The following ZNF469 variants were observed in gnomAD, a reference collection of about 807,000 sequenced individuals.
ZNF469 encodes the protein zinc finger protein 469.
In ZNF469, 1 loss-of-function variant was observed where a neutral mutation model predicts 1.0. The observed-to-expected ratio is 1.00, with a 90% CI of 0.35 to 4.73. ZNF469 has a LOEUF of 4.73. Ranked by LOEUF, ZNF469 falls within the 30% of genes most tolerant of loss-of-function variation. ZNF469 has a pLI of 0.16. For missense variants in ZNF469, 6,100 were observed against 5,356.3 expected (o/e 1.14, Z -4.33); for synonymous variants, 2,703 against 2,363.4 (o/e 1.14, Z -4.17).
the ZNF469 span, among the ~76,000 whole-genome samples, chr16:88,222,765 A>G: frequency 6.6e-6 from 1 of 151,690 alleles, no homozygotes; most frequent in South Asian, 2.1e-4. Context: ...CCCGAAAAAA[A>G]AAAACAAAAA....
chr16:88,246,910 A>T, the ZNF469 span, among the ~76,000 whole-genome samples: 5 of 152,044 alleles, frequency 3.3e-5, no homozygotes, highest in Non-Finnish European at 7.4e-5. Context: ...TGAATGAGTC[A>T]ATCAGTGAAG....
At chr16:88,116,732 GTACATGCCATGACGCTGTTTA>G in the ZNF469 span, among the ~76,000 whole-genome samples, 1 of 152,144 alleles carries the variant, frequency 6.6e-6, no homozygotes, top group African/African-American at 2.4e-5. Context: ...CAAAAAGCCT[GTACATGCCATGACGCTGTTTA>G]TGGAACTGGC....
At chr16:88,165,922 C>G in the ZNF469 span, among the ~76,000 whole-genome samples, 1 of 152,240 alleles carries the variant, frequency 6.6e-6, no homozygotes, top group Non-Finnish European at 1.5e-5. Context: ...CCCCGAGACT[C>G]ATCCACATGG....
chr16:88,175,848 C>G, the ZNF469 span, among the ~76,000 whole-genome samples: 1 of 152,214 alleles, frequency 6.6e-6, no homozygotes, highest in Non-Finnish European at 1.5e-5. Flanking sequence ...ATCAGTAAAA[C>G]AGAAACAGAG....
the ZNF469 span, among the ~76,000 whole-genome samples, chr16:88,116,551 T>C: frequency 6.6e-6 from 1 of 152,202 alleles, no homozygotes; most frequent in South Asian, 2.1e-4. Context: ...CCAAAAACCG[T>C]GCAGCTGCAT....
chr16:88,136,855 C>A, the ZNF469 span, among the ~76,000 whole-genome samples: 1 of 152,248 alleles, frequency 6.6e-6, no homozygotes, highest in African/African-American at 2.4e-5. Flanking sequence ...TGAGTGATGA[C>A]TGTGGAGGGC....
chr16:88,132,533 C>T, the ZNF469 span, among the ~76,000 whole-genome samples: 1 of 152,276 alleles, frequency 6.6e-6, no homozygotes, highest in Non-Finnish European at 1.5e-5. Flanking sequence ...CTCATCTGAA[C>T]TCACACAACC....
the ZNF469 span, among the ~76,000 whole-genome samples, chr16:88,199,613 C>T: frequency 6.6e-6 from 1 of 152,212 alleles, no homozygotes; most frequent in African/African-American, 2.4e-5. Context: ...CCAGCCGGCT[C>T]GGACCACCCA....
At chr16:88,167,016 T>C in the ZNF469 span, among the ~76,000 whole-genome samples, 1 of 149,208 alleles carries the variant, frequency 6.7e-6, no homozygotes, top group African/African-American at 2.5e-5. Context: ...GGTCTTCAGG[T>C]GCAATTCCCT....
rs1415972199 is a variant in ZNF469 at position 88,428,485 on chromosome 16, C to G, written c.1015C>G (p.Gln339Glu). 2.3e-5 allele frequency: 36 copies of G among 1,549,396 alleles called. No individual in the cohort carries two copies. The highest frequency in any genetic ancestry group is 3.0e-5 in the Non-Finnish European group (34 of 1,146,810). ...TGCGCCCTCACCCCTGCCCTGCTAC[C>G]AGGGCCAGCCAGGTGGCCTGAACCG... is the stretch of plus-strand genomic sequence containing the variant. Reference protein sequence around the residue: ...QPAPSPLPCYQGQPGGLNRHS... With the variant: ...QPAPSPLPCYEGQPGGLNRHS... Residue 339 changes from glutamine (Q) to glutamate (E), a missense_variant, in exon 3 of 3, where the codon CAG becomes GAG. Physicochemically the swap from Gln to Glu is conservative, Grantham distance 29. Coordinates refer to ENST00000565624, the MANE Select transcript of ZNF469 (RefSeq NM_001367624.2).
At chr16:88,170,008 C>T in the ZNF469 span, among the ~76,000 whole-genome samples, 1 of 152,156 alleles carries the variant, frequency 6.6e-6, no homozygotes, top group African/African-American at 2.4e-5. The surrounding 1 kb of genome is among the most constrained non-coding windows in gnomAD (Gnocchi z 4.2). Context: ...TTATGGGGGG[C>T]ATGGTGCAGA....
At chr16:88,135,266 C>G in the ZNF469 span, among the ~76,000 whole-genome samples, 1 of 152,272 alleles carries the variant, frequency 6.6e-6, no homozygotes, top group African/African-American at 2.4e-5. Flanking sequence ...AGCCCAGTCT[C>G]CCCCGAGGAA....
At chr16:88,331,245 A>G in the ZNF469 span, among the ~76,000 whole-genome samples, 1 of 150,390 alleles carries the variant, frequency 6.6e-6, no homozygotes, top group Non-Finnish European at 1.5e-5. Context: ...CACCATCACC[A>G]TCGTCACCAT....
intron 1 of ZNF469, among the ~76,000 whole-genome samples, chr16:88,401,665 G>A (rs1904869041): frequency 1.4e-5 from 2 of 143,548 alleles, no homozygotes; most frequent in Non-Finnish European, 3.1e-5. Flanking sequence ...ATGGGTAGAT[G>A]GATGGGTGAG....
chr16:88,234,446 G>A, the ZNF469 span, among the ~76,000 whole-genome samples: 1 of 152,256 alleles, frequency 6.6e-6, no homozygotes. Context: ...TAACGCTGAG[G>A]ACGAAGCCAG....
upstream of ZNF469, among the ~76,000 whole-genome samples, chr16:88,380,500 C>T (rs1368860456): frequency 1.9e-4 from 23 of 118,840 alleles, no homozygotes; most frequent in Non-Finnish European, 2.2e-4. Context: ...CACACATGCA[C>T]TCACACAGAC....
upstream of ZNF469, among the ~76,000 whole-genome samples, chr16:88,380,088 C>G (rs371670424): frequency 6.6e-6 from 1 of 151,900 alleles, no homozygotes; most frequent in African/African-American, 2.4e-5. Context: ...CACTCACACA[C>G]ACAAATGCAC....
the ZNF469 span, among the ~76,000 whole-genome samples, chr16:88,317,150 G>T: frequency 6.6e-6 from 1 of 152,230 alleles, no homozygotes; most frequent in Non-Finnish European, 1.5e-5. Flanking sequence ...ACTGATCTCA[G>T]GGCTGAAGCC....
chr16:88,384,457 C>G (rs1437123624), intron 1 of ZNF469, among the ~76,000 whole-genome samples: 4 of 152,172 alleles, frequency 2.6e-5, no homozygotes, highest in Admixed American at 1.3e-4. Context: ...GCAGGGAGCT[C>G]GGAAGCTGGG....
Sources: gnomAD v4.1 joint callset for allele counts (sites outside exome capture counted in the v4.1 genomes callset) on GRCh38, gnomAD v4.1.1 for gene constraint, Gnocchi (gnomAD v3.1) non-coding constraint, MANE v1.5 for transcripts, NCBI Gene and HGNC (gene_info 2026-07-23, HGNC 2026-07-21) for gene names.